The following TCF7L1 variants were observed in gnomAD, a reference collection of about 807,000 sequenced individuals.
TCF7L1 encodes the protein transcription factor 7 like 1.
Under a neutral mutation model 63.7 loss-of-function variants are expected in TCF7L1, and 18 were observed. The ratio of observed to expected loss-of-function variants is 0.28; its 90% confidence interval spans 0.20 to 0.42. The LOEUF (loss-of-function observed/expected upper bound fraction) is 0.42. Ranked by LOEUF, TCF7L1 falls within the 10% of genes least tolerant of loss-of-function variation. TCF7L1 has a pLI of 1.00. For missense variants in TCF7L1, 654 were observed against 779.3 expected, an observed-to-expected ratio of 0.84 and a Z score of 1.91; for synonymous variants, 355 against 340.9, an observed-to-expected ratio of 1.04 and a Z score of -0.46.
chr2:85,134,737 C>T lies in TCF7L1; in HGVS notation c.441+287C>T, dbSNP rs1422058036. Among the ~76,000 whole-genome samples the T allele has an allele frequency of 1.3e-5, 2 of 152,176 alleles. No individual in the cohort carries two copies. Among genetic ancestry groups the T allele is most frequent in the African/African-American group, 2.4e-5 (1 of 41,450 alleles). ...AATTCTTCGCCTGCACCGAAGGAAA[C>T]TTGGATTTGTGCCCGCTTTGGGGGG... On this transcript the variant is annotated intron_variant, in intron 3 of 11. Coordinates refer to ENST00000282111, the MANE Select transcript of TCF7L1 (RefSeq NM_031283.3). This position sits in a 1 kb window ranked among gnomAD's most constrained non-coding sequence, Gnocchi z 5.0.
At chr2:85,203,606 G>A (rs1232295546) in intron 3 of TCF7L1, among the ~76,000 whole-genome samples, 1 of 152,112 alleles carries the variant, frequency 6.6e-6, no homozygotes, top group African/African-American at 2.4e-5. Context: ...GTGTGTGCCT[G>A]TAGTCACAGC....
At chr2:85,216,145 T>C (rs1276006663) in intron 3 of TCF7L1, among the ~76,000 whole-genome samples, 1 of 152,104 alleles carries the variant, frequency 6.6e-6, no homozygotes, top group African/African-American at 2.4e-5. Context: ...CCGGCTGCCC[T>C]TCTCCGAGAA....
In TCF7L1 at chr2:85,163,631, G is replaced by C. The variant is rs141479876; in HGVS notation, c.441+29181G>C. Among the ~76,000 whole-genome samples, 338 of 152,250 alleles carry C rather than the reference G, an allele frequency of 2.2e-3. 1 individual carries two copies. The highest frequency in any genetic ancestry group is 7.7e-3 in the African/African-American group (321 of 41,546). Reference sequence around the variant, plus strand: ...GTTAGGGCTGCCATAACAAAGTACCGCATGCTAGGAGGCTTAAACAACAGA... The same window carrying C: ...GTTAGGGCTGCCATAACAAAGTACCCCATGCTAGGAGGCTTAAACAACAGA... On this transcript the variant is annotated intron_variant, in intron 3 of 11. Coordinates refer to ENST00000282111, the MANE Select transcript of TCF7L1 (RefSeq NM_031283.3).
intron 3 of TCF7L1, among the ~76,000 whole-genome samples, chr2:85,239,956 AAAAAAC>A (rs1680285867): frequency 6.6e-6 from 1 of 151,814 alleles, no homozygotes; most frequent in African/African-American, 2.4e-5. Context: ...AAAAAAAAAA[AAAAAAC>A]AAAAAAAAAA....
intron 4 of TCF7L1, among the ~76,000 whole-genome samples, chr2:85,291,998 T>TAAGGGAGAATGGGAACA (rs1573029156): frequency 0.024 from 959 of 39,640 alleles, 305 homozygotes; most frequent in Middle Eastern, 0.044. Context: ...TATGTATTTT[T>TAAGGGAGAATGGGAACA]TTTTTTTTTT....
At chr2:85,267,649 C>CAAAA (rs200180895) in intron 3 of TCF7L1, among the ~76,000 whole-genome samples, 2 of 98,578 alleles carry the variant, frequency 2.0e-5, no homozygotes, top group Non-Finnish European at 3.9e-5. Context: ...GACTCTGTCT[C>CAAAA]AAAAAAAAAA....
intron 3 of TCF7L1, among the ~76,000 whole-genome samples, chr2:85,171,375 A>G (rs1678542092): frequency 6.6e-6 from 1 of 152,216 alleles, no homozygotes; most frequent in Non-Finnish European, 1.5e-5. Context: ...TTTAAAATGC[A>G]CATCCTGGGC....
chr2:85,150,287 G>A (rs1255742042), intron 3 of TCF7L1, among the ~76,000 whole-genome samples: 1 of 149,952 alleles, frequency 6.7e-6, no homozygotes, highest in African/African-American at 2.5e-5. Context: ...GGGCTGGAGT[G>A]CAGTGAAGCG....
intron 4 of TCF7L1, among the ~76,000 whole-genome samples, chr2:85,298,668 G>C (rs1681891554): frequency 6.6e-6 from 1 of 151,908 alleles, no homozygotes; most frequent in African/African-American, 2.4e-5. Flanking sequence ...GCTCTCAGGG[G>C]CTCTTTGGAT....
At chr2:85,198,810 G>C (rs1679213523) in intron 3 of TCF7L1, among the ~76,000 whole-genome samples, 1 of 152,104 alleles carries the variant, frequency 6.6e-6, no homozygotes. Context: ...GCAGTAAGCT[G>C]TGTTTGTGAC....
intron 4 of TCF7L1, among the ~76,000 whole-genome samples, chr2:85,292,107 G>A (rs1235028107): frequency 2.5e-5 from 1 of 39,312 alleles, no homozygotes; most frequent in Non-Finnish European, 3.5e-5. Context: ...TGCAAGCTCC[G>A]CCTCCCGGGT....
At chr2:85,185,958 G>A (rs1055953397) in intron 3 of TCF7L1, among the ~76,000 whole-genome samples, 19 of 146,768 alleles carry the variant, frequency 1.3e-4, no homozygotes, top group Admixed American at 6.7e-4. Context: ...ACAACACAGG[G>A]GATTTTTTTT....
At chr2:85,286,400 G>A (rs561475513) in intron 4 of TCF7L1, among the ~76,000 whole-genome samples, 7 of 152,080 alleles carry the variant, frequency 4.6e-5, no homozygotes, top group South Asian at 2.1e-4. Context: ...ATAGTGGCCA[G>A]GTATGGTGGC....
In TCF7L1 at chr2:85,146,756, G is replaced by A. The variant is rs1186915140; in HGVS notation, c.441+12306G>A. 6.6e-5 allele frequency among the ~76,000 whole-genome samples: 10 copies of A among 152,072 alleles called. No individual in the cohort carries two copies. In the East Asian group the frequency reaches 1.4e-3, roughly 21 times the overall value. The stretch of plus-strand genomic sequence containing the variant: ...TGACCTCAGGTGATCTGCCTGCGTC[G>A]GCCTCCCAAAGTGCTGGGATCATAG... On this transcript the variant is annotated intron_variant, in intron 3 of 11. Transcript: ENST00000282111.
intron 3 of TCF7L1, among the ~76,000 whole-genome samples, chr2:85,174,505 G>A (rs959089722): frequency 2.6e-5 from 4 of 152,124 alleles, no homozygotes; most frequent in Non-Finnish European, 4.4e-5. Flanking sequence ...TGGCAGGTGG[G>A]TATGAGGCTC....
chr2:85,274,440 C>A lies in TCF7L1; in HGVS notation c.442-9055C>A, dbSNP rs976282798. 2.0e-5 allele frequency among the ~76,000 whole-genome samples: 3 copies of A among 152,170 alleles called. No homozygotes were observed. In the Middle Eastern group the frequency reaches 9.5e-3, roughly 482 times the overall value. ...GAGCATGCAGCTGTCGGGGGACATA[C>A]CTAGCCAAGTGTCCGGCTCTCCATC... On this transcript the variant is annotated intron_variant, in intron 3 of 11. Coordinates refer to ENST00000282111, the MANE Select transcript of TCF7L1 (RefSeq NM_031283.3).
chr2:85,268,372 T>C (rs1681060488), intron 3 of TCF7L1, among the ~76,000 whole-genome samples: 1 of 152,106 alleles, frequency 6.6e-6, no homozygotes, highest in Admixed American at 6.5e-5. Flanking sequence ...CTAATTTGGT[T>C]AATCCTAGAA....
intron 3 of TCF7L1, among the ~76,000 whole-genome samples, chr2:85,214,136 C>T (rs1264318476): frequency 2.6e-5 from 4 of 152,208 alleles, no homozygotes; most frequent in East Asian, 1.9e-4. Flanking sequence ...CTCCCCCTCC[C>T]GTGAAGAGCC....
At chr2:85,233,553 A>T (rs927078776) in intron 3 of TCF7L1, among the ~76,000 whole-genome samples, 2 of 151,958 alleles carry the variant, frequency 1.3e-5, no homozygotes, top group Non-Finnish European at 2.9e-5. Flanking sequence ...TGACCTCGTG[A>T]TCTGCCCGCC....
Sources: allele counts gnomAD v4.1 joint callset (sites outside exome capture counted in the v4.1 genomes callset), GRCh38; gene constraint gnomAD v4.1.1; non-coding constraint Gnocchi (gnomAD v3.1); transcripts MANE v1.5; gene names NCBI Gene and HGNC (gene_info 2026-07-23, HGNC 2026-07-21).